The following SRBD1 variants were observed in gnomAD, a reference collection of about 807,000 sequenced individuals.
SRBD1 encodes S1 RNA-binding domain-containing protein 1.
In SRBD1, 88 loss-of-function variants were observed where a neutral mutation model predicts 115.3. The ratio of observed to expected loss-of-function variants is 0.76; its 90% confidence interval spans 0.64 to 0.91. The LOEUF (loss-of-function observed/expected upper bound fraction) is 0.91, where lower values mean the gene tolerates loss of function less well. Ranked by LOEUF, SRBD1 falls within the 40% of genes least tolerant of loss-of-function variation. The pLI is 0.00. For missense variants in SRBD1, 1,385 were observed against 1,177.4 expected (o/e 1.18, Z -2.58); for synonymous variants, 509 against 407.7 (o/e 1.25, Z -2.99).
intron 14 of SRBD1, among the ~76,000 whole-genome samples, chr2:45,527,553 A>T (rs998282513): frequency 2.0e-5 from 3 of 148,366 alleles, no homozygotes; most frequent in Non-Finnish European, 3.0e-5. Flanking sequence ...CAAAAATAAT[A>T]ATTATTATTA....
At chr2:45,497,446 C>G (rs1670493828) in intron 14 of SRBD1, among the ~76,000 whole-genome samples, 1 of 152,156 alleles carries the variant, frequency 6.6e-6, no homozygotes, top group Admixed American at 6.5e-5. Context: ...TTCCTTCAAT[C>G]TAGAGCAGTA....
chr2:45,464,609 CT>C (rs1669423997), intron 16 of SRBD1, among the ~76,000 whole-genome samples: 1 of 152,162 alleles, frequency 6.6e-6, no homozygotes, highest in Non-Finnish European at 1.5e-5. Context: ...ACTACCTCAG[CT>C]TTGAGACAGA....
intron 16 of SRBD1, among the ~76,000 whole-genome samples, chr2:45,432,429 G>A (rs531720152): frequency 3.9e-5 from 6 of 152,196 alleles, no homozygotes; most frequent in Non-Finnish European, 8.8e-5. Flanking sequence ...CATTAAAGCA[G>A]AGGCATTCAT....
chr2:45,405,579 G>A (rs1044683972), intron 19 of SRBD1, among the ~76,000 whole-genome samples: 36 of 152,256 alleles, frequency 2.4e-4, no homozygotes, highest in African/African-American at 8.7e-4. Context: ...ATGGTCATGT[G>A]TATGGGTAGA....
At chr2:45,556,928 T>G (rs537962819) in intron 10 of SRBD1, among the ~76,000 whole-genome samples, 193 of 152,294 alleles carry the variant, frequency 1.3e-3, no homozygotes, top group African/African-American at 4.5e-3. Flanking sequence ...TTGCTGCTGC[T>G]GCTGCTGCTG....
chr2:45,539,831 A>G (rs1406726807), intron 14 of SRBD1, among the ~76,000 whole-genome samples: 2 of 152,214 alleles, frequency 1.3e-5, no homozygotes. Context: ...ACTGAACAAA[A>G]AAGGAAAGAA....
intron 14 of SRBD1, among the ~76,000 whole-genome samples, chr2:45,501,252 T>C (rs1382510555): frequency 6.6e-6 from 1 of 152,232 alleles, no homozygotes; most frequent in African/African-American, 2.4e-5. Flanking sequence ...ACAAAACTTT[T>C]AATTTTAAAA....
intron 16 of SRBD1, among the ~76,000 whole-genome samples, chr2:45,433,826 T>C (rs934329149): frequency 2.0e-5 from 3 of 152,266 alleles, no homozygotes; most frequent in African/African-American, 7.2e-5. Flanking sequence ...GATATTTTCA[T>C]AAGCACATTC....
intron 14 of SRBD1, among the ~76,000 whole-genome samples, chr2:45,528,519 T>A (rs1368648639): frequency 6.6e-6 from 1 of 151,722 alleles, no homozygotes; most frequent in African/African-American, 2.4e-5. Flanking sequence ...AAAAATAGGT[T>A]TGGGAGCCAA....
intron 14 of SRBD1, among the ~76,000 whole-genome samples, chr2:45,489,096 T>C (rs1670212921): frequency 6.6e-6 from 1 of 152,220 alleles, no homozygotes. Context: ...GACATTTGTA[T>C]GGGGATTGCC....
chr2:45,431,260 G>T (rs1033074766), intron 16 of SRBD1, among the ~76,000 whole-genome samples: 3 of 152,158 alleles, frequency 2.0e-5, no homozygotes, highest in Non-Finnish European at 4.4e-5. Flanking sequence ...CAAGGATCTA[G>T]AACCAGAAAC....
chr2:45,519,853 C>T (rs189983145), intron 14 of SRBD1, among the ~76,000 whole-genome samples: 338 of 152,194 alleles, frequency 2.2e-3, no homozygotes, highest in Non-Finnish European at 3.3e-3. Context: ...TTGCAACAAC[C>T]TTATAAGGTT....
chr2:45,538,515 T>C (rs1045818119), intron 14 of SRBD1, among the ~76,000 whole-genome samples: 4 of 152,236 alleles, frequency 2.6e-5, no homozygotes, highest in Non-Finnish European at 4.4e-5. Flanking sequence ...ATTGAACTTA[T>C]CTCAAGTTTG....
In SRBD1 at chr2:45,419,877, A is replaced by G; in HGVS notation, c.2067T>C (p.Thr689=). The G allele has an allele frequency of 1.2e-6, 2 of 1,613,416 alleles. No individual in the cohort carries two copies. The highest frequency in any genetic ancestry group is 1.7e-6 in the Non-Finnish European group (2 of 1,179,762). Residue 689 remains threonine (T), a synonymous_variant, in exon 17 of 21, where the codon ACT becomes ACC. Transcript: ENST00000263736. ...VGMYQHDVSQ[T]LLKATLDSVV... The stretch of plus-strand genomic sequence containing the variant: ...CACTGTCCAGTGTTGCCTTGAGTAA[A>G]GTCTGGGATACGTCATGCTGAAAAG...
chr2:45,481,726 T>C (rs1012227843), intron 15 of SRBD1, among the ~76,000 whole-genome samples: 3 of 152,086 alleles, frequency 2.0e-5, no homozygotes, highest in African/African-American at 4.8e-5. Context: ...ATCTATCAAC[T>C]GATGACTAAA....
At chr2:45,534,950 T>A (rs1035621841) in intron 14 of SRBD1, among the ~76,000 whole-genome samples, 1 of 151,892 alleles carries the variant, frequency 6.6e-6, no homozygotes, top group Non-Finnish European at 1.5e-5. Flanking sequence ...CGAGAAATCA[T>A]CCAAAAATCT....
chr2:45,421,753 T>C (rs1441319982), intron 16 of SRBD1, among the ~76,000 whole-genome samples: 1 of 152,198 alleles, frequency 6.6e-6, no homozygotes, highest in African/African-American at 2.4e-5. Context: ...TGTGATTACA[T>C]TATTACCATT....
intron 19 of SRBD1, among the ~76,000 whole-genome samples, chr2:45,399,909 G>A (rs1288405622): frequency 6.6e-6 from 1 of 152,030 alleles, no homozygotes; most frequent in Admixed American, 6.6e-5. Flanking sequence ...GAAAGAAGAG[G>A]GCAAATTAAA....
At chr2:45,486,432 T>C (rs796390052) in intron 15 of SRBD1, among the ~76,000 whole-genome samples, 8 of 152,226 alleles carry the variant, frequency 5.3e-5, no homozygotes, top group African/African-American at 1.2e-4. Context: ...TTTCCTATTT[T>C]AGAAGTGGGG....
Sources: gnomAD v4.1 joint callset for allele counts (sites outside exome capture counted in the v4.1 genomes callset) on GRCh38, gnomAD v4.1.1 for gene constraint, MANE v1.5 for transcripts, NCBI Gene and HGNC (gene_info 2026-07-23, HGNC 2026-07-21) for gene names.